CHIC2: variants seen among roughly 807,000 people sequenced by gnomAD.
CHIC2 encodes cysteine rich hydrophobic domain 2.
A neutral mutation model predicts 25.9 loss-of-function variants in CHIC2; 14 were observed. The ratio of observed to expected loss-of-function variants is 0.54; its 90% CI spans 0.36 to 0.85. The LOEUF (loss-of-function observed/expected upper bound fraction) is 0.85. CHIC2 is among the 40% of genes least tolerant of loss of function. CHIC2 has a pLI of 0.01. For synonymous variants in CHIC2, 70 were observed against 72.0 expected, an observed-to-expected ratio of 0.97 and a Z score of 0.14; for missense variants, 146 against 202.0, an observed-to-expected ratio of 0.72 and a Z score of 1.68.
At chr4:54,088,862 G>C in the CHIC2 span, among the ~76,000 whole-genome samples, 1 of 152,152 alleles carries the variant, frequency 6.6e-6, no homozygotes. Context: ...CTTCATGATG[G>C]GTTAAATGTA....
At chr4:54,057,445 T>G (rs1218365861) in intron 1 of CHIC2, among the ~76,000 whole-genome samples, 1 of 152,184 alleles carries the variant, frequency 6.6e-6, no homozygotes, top group Admixed American at 6.5e-5. Context: ...CTTGGAGTCT[T>G]GGCACCTGCT....
At chr4:54,024,998 A>T (rs555873713) in intron 3 of CHIC2, among the ~76,000 whole-genome samples, 234 of 152,238 alleles carry the variant, frequency 1.5e-3, no homozygotes, top group African/African-American at 5.4e-3. Flanking sequence ...CGTTCAAAGC[A>T]GCCCTGAGAA....
intron 1 of CHIC2, chr4:54,059,906 G>A (rs1238935121): frequency 1.3e-5 from 2 of 152,114 alleles, no homozygotes; most frequent in African/African-American, 2.4e-5. Flanking sequence ...ATACATCAAT[G>A]AAGCCTTCAA....
intron 5 of CHIC2, among the ~76,000 whole-genome samples, chr4:54,012,156 T>C (rs1715614937): frequency 6.6e-6 from 1 of 152,016 alleles, no homozygotes; most frequent in Non-Finnish European, 1.5e-5. Context: ...ATTGCTATGT[T>C]ACCCAAACTG....
the CHIC2 span, among the ~76,000 whole-genome samples, chr4:54,083,879 C>T: frequency 2.6e-5 from 4 of 152,194 alleles, no homozygotes; most frequent in African/African-American, 9.7e-5. Flanking sequence ...CACTCACACT[C>T]TTTGCTTTCT....
At chr4:54,031,459 T>G (rs1321744280) in intron 3 of CHIC2, among the ~76,000 whole-genome samples, 3 of 152,040 alleles carry the variant, frequency 2.0e-5, no homozygotes, top group African/African-American at 7.3e-5. Flanking sequence ...GAACACCAAG[T>G]AGATGCTAGG....
the CHIC2 span, chr4:54,087,342 C>T: frequency 7.1e-6 from 4 of 564,670 alleles, no homozygotes; most frequent in South Asian, 2.7e-5. Flanking sequence ...AACTTAGTTA[C>T]CAAGCAGAAG....
At chr4:54,072,088 T>A in the CHIC2 span, among the ~76,000 whole-genome samples, 65,346 of 151,536 alleles carry the variant, frequency 0.43, 14,805 homozygotes, top group African/African-American at 0.55. Context: ...AGGTCAGGAG[T>A]TCTAGACCAT....
At chr4:54,072,869 A>C in the CHIC2 span, among the ~76,000 whole-genome samples, 1 of 152,134 alleles carries the variant, frequency 6.6e-6, no homozygotes, top group African/African-American at 2.4e-5. Flanking sequence ...TCAGGAGATC[A>C]AGACCACCCT....
chr4:54,050,024 A>T (rs77950329), intron 1 of CHIC2, among the ~76,000 whole-genome samples: 315 of 152,296 alleles, frequency 2.1e-3, no homozygotes, highest in Non-Finnish European at 2.7e-3. Context: ...TAACAAGAAG[A>T]TAAAAGACAT....
chr4:54,043,255 A>C (rs540802390), intron 3 of CHIC2, among the ~76,000 whole-genome samples: 1 of 152,202 alleles, frequency 6.6e-6, no homozygotes, highest in South Asian at 2.1e-4. Context: ...ACCTGTCTCT[A>C]CTAAAAATAC....
intron 3 of CHIC2, among the ~76,000 whole-genome samples, chr4:54,045,135 T>C (rs1191145532): frequency 6.6e-6 from 1 of 152,092 alleles, no homozygotes; most frequent in Non-Finnish European, 1.5e-5. Flanking sequence ...AATAACAGGC[T>C]CTGAAATTGA....
chr4:54,069,335 G>A (rs1454682473), upstream of CHIC2, among the ~76,000 whole-genome samples: 1 of 152,172 alleles, frequency 6.6e-6, no homozygotes, highest in Admixed American at 6.5e-5. Context: ...AGCCAAGAAG[G>A]ATCTTTTAAG....
chr4:54,065,592 C>T (rs372426677), upstream of CHIC2, among the ~76,000 whole-genome samples: 2 of 152,188 alleles, frequency 1.3e-5, no homozygotes, highest in Non-Finnish European at 2.9e-5. Context: ...TGCCTAGTAA[C>T]AGTTGAACGG....
chr4:54,019,244 C>CAA (rs56253104), intron 3 of CHIC2, among the ~76,000 whole-genome samples: 31 of 150,172 alleles, frequency 2.1e-4, no homozygotes, highest in Non-Finnish European at 2.4e-4. Context: ...CACCAAAAAA[C>CAA]AAAAAAAAAC....
chr4:54,086,649 A>T, the CHIC2 span, among the ~76,000 whole-genome samples: 1 of 152,230 alleles, frequency 6.6e-6, no homozygotes, highest in Non-Finnish European at 1.5e-5. Flanking sequence ...CAGAAGGCAC[A>T]GTAGCAGCTT....
chr4:54,043,389 C>A (rs916788786), intron 3 of CHIC2, among the ~76,000 whole-genome samples: 4 of 149,116 alleles, frequency 2.7e-5, no homozygotes, highest in Non-Finnish European at 5.9e-5. Context: ...CCACTGCACT[C>A]CAGCCTGGGC....
chr4:54,013,978 A>T (rs1715667169), intron 4 of CHIC2, 82 bp from the exon 5 acceptor site: 2 of 1,597,030 alleles, frequency 1.3e-6, no homozygotes, highest in African/African-American at 2.7e-5. Flanking sequence ...TCCACCTTTC[A>T]TATTTTTAGT....
intron 3 of CHIC2, among the ~76,000 whole-genome samples, chr4:54,022,275 G>A (rs1289269558): frequency 1.3e-5 from 2 of 152,140 alleles, no homozygotes; most frequent in African/African-American, 4.8e-5. Context: ...CTTAGTGGCT[G>A]AAGACCGACG....
Sources: allele counts gnomAD v4.1 joint callset (sites outside exome capture counted in the v4.1 genomes callset), GRCh38; gene constraint gnomAD v4.1.1; transcripts MANE v1.5; gene names NCBI Gene and HGNC (gene_info 2026-07-23, HGNC 2026-07-21).